MRPS28: variants seen among roughly 807,000 people sequenced by gnomAD.
MRPS28 encodes mitochondrial ribosomal protein S28, also known as small ribosomal subunit protein bS1m.
Under a neutral mutation model 10.8 loss-of-function variants are expected in MRPS28, and 7 were observed. That is an observed-to-expected ratio of 0.65 (90% confidence interval 0.37 to 1.22). The LOEUF is 1.22. Ranked by LOEUF, MRPS28 falls within the 50% of genes most tolerant of loss-of-function variation. MRPS28 has a pLI of 0.02. For synonymous variants in MRPS28, 121 were observed against 93.3 expected (o/e 1.30, Z -1.71); for missense variants, 265 against 232.9 (o/e 1.14, Z -0.90).
intron 2 of MRPS28, among the ~76,000 whole-genome samples, chr8:79,938,827 C>G (rs1806679882): frequency 6.6e-6 from 1 of 152,128 alleles, no homozygotes; most frequent in African/African-American, 2.4e-5. Context: ...AATGAGTTCT[C>G]TGTTGAGGGA....
intron 2 of MRPS28, among the ~76,000 whole-genome samples, chr8:79,942,428 C>T (rs1231149450): frequency 1.3e-5 from 2 of 152,198 alleles, no homozygotes; most frequent in African/African-American, 4.8e-5. Context: ...GGCATGATGA[C>T]ATCTTTGGGA....
chr8:80,022,811 G>C (rs1176934835), intron 1 of MRPS28, among the ~76,000 whole-genome samples: 1 of 152,126 alleles, frequency 6.6e-6, no homozygotes, highest in African/African-American at 2.4e-5. Context: ...AGCAAACTTA[G>C]ACACATTAAA....
intron 2 of MRPS28, among the ~76,000 whole-genome samples, chr8:79,997,657 A>C (rs1304692687): frequency 1.3e-5 from 2 of 152,166 alleles, no homozygotes; most frequent in African/African-American, 4.8e-5. Context: ...GTCTTTCTAA[A>C]ACATTAAAGT....
chr8:79,980,183 T>C (rs1268689925), intron 2 of MRPS28, among the ~76,000 whole-genome samples: 1 of 152,198 alleles, frequency 6.6e-6, no homozygotes, highest in East Asian at 1.9e-4. Flanking sequence ...AGTACTTTGA[T>C]AGCACTTTGG....
chr8:79,929,506 G>A (rs7840268), intron 2 of MRPS28, among the ~76,000 whole-genome samples: 12,113 of 152,032 alleles, frequency 0.08, 1,106 homozygotes, highest in African/African-American at 0.23. Flanking sequence ...GCATTTAGCA[G>A]ACTGGAAAAA....
At chr8:80,006,887 T>A (rs1431148641) in intron 1 of MRPS28, among the ~76,000 whole-genome samples, 1 of 152,068 alleles carries the variant, frequency 6.6e-6, no homozygotes, top group African/African-American at 2.4e-5. Flanking sequence ...TTTCAATCAA[T>A]AGAAAAAGAG....
intron 2 of MRPS28, chr8:79,958,502 C>A: frequency 1.7e-6 from 1 of 585,840 alleles, no homozygotes; most frequent in South Asian, 2.1e-5. Flanking sequence ...ATTTTTATTG[C>A]TAATTTTATT....
chr8:80,012,535 G>A (rs902736299), intron 1 of MRPS28, among the ~76,000 whole-genome samples: 20 of 152,172 alleles, frequency 1.3e-4, no homozygotes, highest in Admixed American at 3.9e-4. Context: ...TACTGTCACC[G>A]CTGGATATGT....
chr8:79,984,166 G>A (rs1808072846), intron 2 of MRPS28, among the ~76,000 whole-genome samples: 2 of 152,100 alleles, frequency 1.3e-5, no homozygotes, highest in Admixed American at 6.6e-5. Flanking sequence ...TTCATATCCA[G>A]CCAAACTAAG....
chr8:80,019,303 GC>G (rs1197834006), intron 1 of MRPS28, among the ~76,000 whole-genome samples: 4 of 146,424 alleles, frequency 2.7e-5, no homozygotes, highest in Admixed American at 1.4e-4. Context: ...TATCTCGTGT[GC>G]CCCCTAAGCA....
At chr8:79,929,024 T>C (rs1006385777) in intron 2 of MRPS28, among the ~76,000 whole-genome samples, 5 of 152,020 alleles carry the variant, frequency 3.3e-5, no homozygotes, top group Admixed American at 3.3e-4. Context: ...CCAGCCTGAG[T>C]AACAAAGCGA....
chr8:79,949,690 A>C (rs973085550), intron 2 of MRPS28, among the ~76,000 whole-genome samples: 8 of 152,210 alleles, frequency 5.3e-5, no homozygotes, highest in African/African-American at 1.9e-4. Flanking sequence ...TGTTTTCCTC[A>C]TATGACAGAA....
Position 79,983,925 on chromosome 8 carries a change from G to T in MRPS28, c.395+19074C>A, listed in dbSNP as rs532496358. 1.6e-3 allele frequency among the ~76,000 whole-genome samples: 248 copies of T among 152,160 alleles called. 1 individual carries two copies. The highest frequency in any genetic ancestry group is 5.7e-3 in the African/African-American group (235 of 41,498). On this transcript the variant is annotated intron_variant, in intron 2 of 2. Transcript: ENST00000276585. The stretch of plus-strand genomic sequence containing the variant: ...TTCAGATTCAGGAAATACAGAAAAC[G>T]CCACAAAGATACTCCTCGAGAAGAG...
At chr8:79,937,235 A>G (rs1806626310) in intron 2 of MRPS28, among the ~76,000 whole-genome samples, 1 of 152,240 alleles carries the variant, frequency 6.6e-6, no homozygotes, top group South Asian at 2.1e-4. Flanking sequence ...ATTTATTATC[A>G]TTGAGGAAGT....
chr8:79,942,347 TG>T (rs1382855791), intron 2 of MRPS28, among the ~76,000 whole-genome samples: 3 of 152,156 alleles, frequency 2.0e-5, no homozygotes, highest in Non-Finnish European at 4.4e-5. Flanking sequence ...ATTCAAAAAT[TG>T]CCATTAGCAT....
At chr8:79,971,914 G>C (rs768505588) in intron 2 of MRPS28, among the ~76,000 whole-genome samples, 1 of 152,022 alleles carries the variant, frequency 6.6e-6, no homozygotes, top group Non-Finnish European at 1.5e-5. Flanking sequence ...TGTAAGCCAG[G>C]CTGGTCTTGA....
At chr8:79,981,079 AG>A (rs1201354241) in intron 2 of MRPS28, among the ~76,000 whole-genome samples, 1 of 152,250 alleles carries the variant, frequency 6.6e-6, no homozygotes, top group African/African-American at 2.4e-5. Context: ...CTGTAAACCC[AG>A]CACTCTGGGA....
intron 2 of MRPS28, among the ~76,000 whole-genome samples, chr8:79,996,353 A>T (rs914895384): frequency 6.6e-6 from 1 of 152,212 alleles, no homozygotes; most frequent in Non-Finnish European, 1.5e-5. Flanking sequence ...TGGGGGTTAC[A>T]CTATTCCAAC....
intron 1 of MRPS28, among the ~76,000 whole-genome samples, chr8:80,021,571 T>G (rs1202461052): frequency 6.6e-6 from 1 of 152,312 alleles, no homozygotes; most frequent in East Asian, 1.9e-4. Context: ...ACAGAAGTTG[T>G]CTGACTAAAG....
Sources: gnomAD v4.1 joint callset for allele counts (sites outside exome capture counted in the v4.1 genomes callset) on GRCh38, gnomAD v4.1.1 for gene constraint, MANE v1.5 for transcripts, NCBI Gene and HGNC (gene_info 2026-07-23, HGNC 2026-07-21) for gene names.